The following CCDC102B variants were observed in gnomAD, a reference collection of about 807,000 sequenced individuals.
CCDC102B encodes the protein coiled-coil domain containing 102B.
Under a neutral mutation model 57.4 loss-of-function variants are expected in CCDC102B, and 75 were observed. That is an observed-to-expected ratio of 1.31 (90% CI 1.08 to 1.58). The LOEUF (loss-of-function observed/expected upper bound fraction) is 1.58, where lower values mean the gene tolerates loss of function less well. Ranked by LOEUF, CCDC102B falls within the 40% of genes most tolerant of loss-of-function variation. CCDC102B has a pLI of 0.00. For synonymous variants in CCDC102B, 206 were observed against 201.9 expected (o/e 1.02, Z -0.17); for missense variants, 636 against 582.6 (o/e 1.09, Z -0.94).
chr18:68,770,827 G>T (rs1374060736), intron 2 of CCDC102B, among the ~76,000 whole-genome samples: 2 of 152,246 alleles, frequency 1.3e-5, no homozygotes, highest in Non-Finnish European at 2.9e-5. Context: ...CTTTGTAGAA[G>T]AAAGAAGAAA....
intron 2 of CCDC102B, among the ~76,000 whole-genome samples, chr18:68,740,289 A>G (rs1018303082): frequency 7.2e-5 from 11 of 152,252 alleles, no homozygotes; most frequent in African/African-American, 2.7e-4. Flanking sequence ...TATTGATAAA[A>G]TGAATGTTTG....
chr18:68,891,995 A>C (rs151121131), intron 5 of CCDC102B, among the ~76,000 whole-genome samples: 727 of 152,284 alleles, frequency 4.8e-3, no homozygotes, highest in Middle Eastern at 0.014. Context: ...GGAATAATAA[A>C]AATTACGAGT....
At chr18:68,816,550 C>T (rs538504074) in intron 1 of CCDC102B, among the ~76,000 whole-genome samples, 3 of 148,986 alleles carry the variant, frequency 2.0e-5, no homozygotes, top group South Asian at 4.2e-4. Context: ...ACTGCAAGCT[C>T]CGCCTCTCGG....
chr18:69,054,081 G>GAGAA lies in CCDC102B; in HGVS notation c.1496_1499dup (p.Asn500LysfsTer3). The GAGAA allele has an allele frequency of 6.2e-7, 1 of 1,606,920 alleles. No individual in the cohort carries two copies. Among genetic ancestry groups the GAGAA allele is most frequent in the Non-Finnish European group, 8.5e-7 (1 of 1,178,078 alleles). On this transcript the variant is annotated frameshift_variant, in exon 8 of 8. Transcript: ENST00000360242. LOFTEE classifies it low-confidence loss of function (END_TRUNC). ...TAAGCTCCAGAGGTCTCTGGATGAA[G>GAGAA]AGAAAGAAAGAAATGAAAACTTAGA...
intron 6 of CCDC102B, among the ~76,000 whole-genome samples, chr18:68,936,122 A>T (rs1472268661): frequency 6.6e-6 from 1 of 152,002 alleles, no homozygotes; most frequent in Admixed American, 6.6e-5. Flanking sequence ...GGCTCTGTGT[A>T]TAAGACTTAT....
intron 6 of CCDC102B, among the ~76,000 whole-genome samples, chr18:68,948,981 T>A (rs2145190979): frequency 6.6e-6 from 1 of 152,234 alleles, no homozygotes; most frequent in South Asian, 2.1e-4. Flanking sequence ...GGAGAGCCAG[T>A]CCGAGTCTCA....
chr18:69,009,404 C>G (rs1302275920), intron 6 of CCDC102B, among the ~76,000 whole-genome samples: 6 of 152,136 alleles, frequency 3.9e-5, no homozygotes, highest in Middle Eastern at 3.2e-3. Flanking sequence ...TCCTTAACCC[C>G]TGGTCACCAC....
intron 6 of CCDC102B, among the ~76,000 whole-genome samples, chr18:68,983,164 T>A (rs1482276582): frequency 6.6e-6 from 1 of 151,934 alleles, no homozygotes; most frequent in Non-Finnish European, 1.5e-5. Flanking sequence ...AAAAGGTTTT[T>A]TTTTTTAGTA....
chr18:68,880,977 A>G (rs927272385), intron 5 of CCDC102B, among the ~76,000 whole-genome samples: 4 of 152,238 alleles, frequency 2.6e-5, no homozygotes, highest in Non-Finnish European at 5.9e-5. Context: ...AAGTGCCCTG[A>G]AAAATAGAAA....
intron 7 of CCDC102B, among the ~76,000 whole-genome samples, chr18:69,049,329 T>C (rs1420318335): frequency 6.6e-6 from 1 of 152,134 alleles, no homozygotes; most frequent in Non-Finnish European, 1.5e-5. Flanking sequence ...CTGAGAATGA[T>C]GGTTTGCAGC....
At chr18:68,724,706 A>G (rs2032512627) in intron 2 of CCDC102B, among the ~76,000 whole-genome samples, 3 of 152,142 alleles carry the variant, frequency 2.0e-5, no homozygotes, top group Middle Eastern at 3.2e-3. Context: ...AAAGTTCCAA[A>G]CTTTCCCACA....
chr18:69,029,031 T>C lies in CCDC102B; in HGVS notation c.1434+17927T>C, dbSNP rs191438908. ...CTCCAAGTTTTATGCGTGATGTTTA[T>C]CTCACTATATAGCTGCATAAAGTTT... On this transcript the variant is annotated intron_variant, in intron 7 of 7. Coordinates refer to ENST00000360242, the MANE Select transcript of CCDC102B (RefSeq NM_024781.3). 6.5e-3 allele frequency among the ~76,000 whole-genome samples: 995 copies of C among 152,314 alleles called. 7 individuals are homozygous for C. The highest frequency in any genetic ancestry group is 0.017 in the Middle Eastern group (5 of 294).
chr18:68,865,729 G>C (rs1471344316), intron 4 of CCDC102B, among the ~76,000 whole-genome samples: 3 of 152,092 alleles, frequency 2.0e-5, no homozygotes, highest in African/African-American at 7.2e-5. Context: ...TTGAAATACT[G>C]TTGTTGAGAA....
chr18:68,899,425 CTA>C (rs142222036), intron 6 of CCDC102B, among the ~76,000 whole-genome samples: 176 of 145,744 alleles, frequency 1.2e-3, no homozygotes, highest in Middle Eastern at 3.5e-3. Flanking sequence ...TACCATGGTG[CTA>C]TATATATATA....
rs57645255 is a variant in CCDC102B at position 68,810,691 on chromosome 18, T to TG, written c.-16+12510_-16+12511insG. On this transcript the variant is annotated intron_variant, in intron 1 of 7. Transcript: ENST00000360242. ...CTTTTCTTTTCTTTGTTTTTTTTTTTTTTTTTTTTTTTTTTTATGCTTTAA... is the reference window on the plus strand; with the variant it reads ...CTTTTCTTTTCTTTGTTTTTTTTTTTGTTTTTTTTTTTTTTTTATGCTTTAA... Among the ~76,000 whole-genome samples, 3 of 142,556 alleles carry TG rather than the reference T, an allele frequency of 2.1e-5. 1 individual carries two copies. The highest frequency in any genetic ancestry group is 8.1e-5 in the African/African-American group (3 of 37,178). The allele number at this position is 142,556 out of a possible 152,430, so 93.5% of individuals were successfully genotyped here.
intron 6 of CCDC102B, among the ~76,000 whole-genome samples, chr18:68,988,233 G>GT (rs1477710866): frequency 1.3e-5 from 2 of 152,042 alleles, no homozygotes; most frequent in Non-Finnish European, 2.9e-5. Flanking sequence ...AAAAAAACAT[G>GT]TTTTTTGCAG....
rs373178389 is a variant in CCDC102B, at chr18:68,868,544, G to A, written c.937-6125G>A. Among the ~76,000 whole-genome samples the A allele has an allele frequency of 9.2e-5, 14 of 152,232 alleles. No homozygotes were observed. The South Asian group carries it at 2.7e-3, about 29-fold the overall frequency. On this transcript the variant is annotated intron_variant, in intron 4 of 7. Coordinates refer to ENST00000360242, the MANE Select transcript of CCDC102B (RefSeq NM_024781.3). The stretch of plus-strand genomic sequence containing the variant: ...TATTATTTGGAATCTTAACCTTGCT[G>A]TCACATATTTCTGGGCCCACTGCAT...
At chr18:68,931,025 G>C (rs1348755592) in intron 6 of CCDC102B, among the ~76,000 whole-genome samples, 1 of 151,644 alleles carries the variant, frequency 6.6e-6, no homozygotes, top group African/African-American at 2.4e-5. Context: ...TCATTCAGAG[G>C]CATGATCAGT....
At chr18:68,856,098 TTGA>T (rs1275049821) in intron 4 of CCDC102B, among the ~76,000 whole-genome samples, 1 of 152,178 alleles carries the variant, frequency 6.6e-6, no homozygotes, top group Non-Finnish European at 1.5e-5. Context: ...CTTTTTTTAC[TTGA>T]TAAAGTTAAA....
Sources: allele counts gnomAD v4.1 joint callset (sites outside exome capture counted in the v4.1 genomes callset), GRCh38; gene constraint gnomAD v4.1.1; transcripts MANE v1.5; gene names NCBI Gene and HGNC (gene_info 2026-07-23, HGNC 2026-07-21).